M1AP: variants seen among roughly 807,000 people sequenced by gnomAD.
The protein encoded by M1AP is meiosis 1 associated protein, also known as meiosis 1 arrest protein.
Under a neutral mutation model 51.2 loss-of-function variants are expected in M1AP, and 39 were observed. The ratio of observed to expected loss-of-function variants is 0.76; its 90% confidence interval spans 0.59 to 1.00. The LOEUF is 1.00. M1AP is among the 50% of genes least tolerant of loss of function. M1AP has a pLI of 0.00. For missense variants in M1AP, 545 were observed against 641.2 expected, an observed-to-expected ratio of 0.85 and a Z score of 1.62; for synonymous variants, 251 against 249.2, an observed-to-expected ratio of 1.01 and a Z score of -0.07.
intron 7 of M1AP, among the ~76,000 whole-genome samples, chr2:74,573,450 T>C (rs1407178317): frequency 6.6e-6 from 1 of 152,132 alleles, no homozygotes; most frequent in Non-Finnish European, 1.5e-5. Flanking sequence ...CCTCCCGGGT[T>C]CAAGTGATTC....
intron 7 of M1AP, among the ~76,000 whole-genome samples, 199 bp from the exon 8 acceptor site, chr2:74,562,622 AT>A (rs1178952124): frequency 6.6e-6 from 1 of 152,226 alleles, no homozygotes; most frequent in Non-Finnish European, 1.5e-5. Flanking sequence ...GGTTTGAGAT[AT>A]GCCAGAGAGA....
At chr2:74,592,242 T>G in intron 4 of M1AP, among the ~76,000 whole-genome samples, 1 of 152,178 alleles carries the variant, frequency 6.6e-6, no homozygotes, top group South Asian at 2.1e-4. Flanking sequence ...TGGTGACTTC[T>G]AGGGATAGAA....
intron 2 of M1AP, among the ~76,000 whole-genome samples, chr2:74,622,502 T>C (rs1274302624): frequency 1.3e-5 from 2 of 151,582 alleles, no homozygotes; most frequent in Non-Finnish European, 2.9e-5. Flanking sequence ...CCCAAAGTGT[T>C]GGGATTACAG....
At chr2:74,588,673 T>G (rs1381098889) in intron 4 of M1AP, among the ~76,000 whole-genome samples, 1 of 152,180 alleles carries the variant, frequency 6.6e-6, no homozygotes, top group Non-Finnish European at 1.5e-5. Flanking sequence ...GTAGTGGTTA[T>G]CAACATGTGA....
intron 5 of M1AP, among the ~76,000 whole-genome samples, chr2:74,577,690 C>T (rs925720239): frequency 2.6e-5 from 4 of 152,146 alleles, no homozygotes; most frequent in Admixed American, 6.5e-5. Context: ...CTGGGTGAGA[C>T]GGCCCTCAGC....
At chr2:74,608,910 G>A (rs1245269427) in intron 3 of M1AP, among the ~76,000 whole-genome samples, 1 of 151,976 alleles carries the variant, frequency 6.6e-6, no homozygotes, top group African/African-American at 2.4e-5. Context: ...TAAGGTCTTT[G>A]GTCCATTTTT....
intron 1 of M1AP, among the ~76,000 whole-genome samples, chr2:74,643,654 C>T (rs1013954676): frequency 2.0e-5 from 3 of 149,364 alleles, no homozygotes; most frequent in African/African-American, 7.5e-5. Flanking sequence ...GCAGCAGTGG[C>T]CCAATCTCAG....
At chr2:74,596,732 T>G (rs1680364153) in intron 4 of M1AP, among the ~76,000 whole-genome samples, 1 of 152,198 alleles carries the variant, frequency 6.6e-6, no homozygotes, top group African/African-American at 2.4e-5. Context: ...AAATATCCAT[T>G]AATACATAAA....
At chr2:74,588,186 G>T (rs1187393793) in intron 4 of M1AP, among the ~76,000 whole-genome samples, 1 of 152,164 alleles carries the variant, frequency 6.6e-6, no homozygotes, top group Non-Finnish European at 1.5e-5. Context: ...TGGGTGTCAT[G>T]GATGGGCTTC....
intron 2 of M1AP, among the ~76,000 whole-genome samples, chr2:74,624,170 G>C (rs1446984725): frequency 1.3e-5 from 2 of 152,218 alleles, no homozygotes; most frequent in Admixed American, 6.5e-5. Flanking sequence ...GCATAAGCCA[G>C]CATTAAAGTA....
At chr2:74,601,102 A>C (rs1205575867) in intron 4 of M1AP, among the ~76,000 whole-genome samples, 1 of 152,114 alleles carries the variant, frequency 6.6e-6, no homozygotes, top group Non-Finnish European at 1.5e-5. Context: ...TTATAAAACA[A>C]GCTATTTTAT....
chr2:74,575,612 T>C, intron 6 of M1AP, 33 bp from the exon 7 acceptor site: 1 of 1,542,926 alleles, frequency 6.5e-7, no homozygotes, highest in East Asian at 2.3e-5. Context: ...AAAGACTCCT[T>C]AGTGATATCT....
chr2:74,615,418 C>A lies in M1AP; in HGVS notation c.241-269G>T, dbSNP rs572783449. The A allele has an allele frequency of 2.8e-5, 11 of 387,730 alleles. No individual in the cohort carries two copies. In the South Asian group the frequency reaches 3.4e-4, roughly 12 times the overall value. 24.0% of individuals were successfully genotyped at this position (387,730 alleles called of 1,614,324 possible). On this transcript the variant is annotated intron_variant, in intron 2 of 10. Transcript: ENST00000421985. ...GGAAGTGTTTTAACTCATTCACTCA[C>A]ACAAAGGGAAATCCAGTTGTGTGAC...
At chr2:74,579,683 T>TA in intron 5 of M1AP, among the ~76,000 whole-genome samples, 1 of 152,334 alleles carries the variant, frequency 6.6e-6, no homozygotes, top group Non-Finnish European at 1.5e-5. Context: ...AGTCCTTACT[T>TA]ACTACTCTAA....
chr2:74,639,471 T>C (rs1683168284), intron 2 of M1AP, among the ~76,000 whole-genome samples: 1 of 152,228 alleles, frequency 6.6e-6, no homozygotes, highest in East Asian at 1.9e-4. Context: ...TAATTGTTTA[T>C]GTATGAAGGA....
chr2:74,622,158 T>A (rs1443069096), intron 2 of M1AP, among the ~76,000 whole-genome samples: 1 of 152,050 alleles, frequency 6.6e-6, no homozygotes, highest in East Asian at 1.9e-4. Flanking sequence ...ATTCAATAAA[T>A]TTTTATATTG....
chr2:74,590,304 C>CT (rs1679965169), intron 4 of M1AP, among the ~76,000 whole-genome samples: 1 of 152,104 alleles, frequency 6.6e-6, no homozygotes. Context: ...AGACAAGCTC[C>CT]TTAGGGAACA....
At chr2:74,584,448 CAA>C (rs772920948) in intron 4 of M1AP, among the ~76,000 whole-genome samples, 24 of 73,536 alleles carry the variant, frequency 3.3e-4, no homozygotes, top group Admixed American at 4.5e-4. Context: ...GTCTCAGTTG[CAA>C]AAAAAAAAAA....
At chr2:74,569,109 C>G (rs1678562105) in intron 7 of M1AP, among the ~76,000 whole-genome samples, 1 of 152,042 alleles carries the variant, frequency 6.6e-6, no homozygotes, top group South Asian at 2.1e-4. Context: ...CTTAAAATAA[C>G]CATGATTAGT....
Sources: allele counts gnomAD v4.1 joint callset (sites outside exome capture counted in the v4.1 genomes callset), GRCh38; gene constraint gnomAD v4.1.1; transcripts MANE v1.5; gene names NCBI Gene and HGNC (gene_info 2026-07-23, HGNC 2026-07-21).